Variants in CNTN4 observed in about 807,000 individuals in gnomAD.
CNTN4 encodes the protein contactin 4, also known as contactin-4.
A neutral mutation model predicts 122.5 loss-of-function variants in CNTN4; 77 were observed. The ratio of observed to expected loss-of-function variants is 0.63; its 90% CI spans 0.52 to 0.76. The LOEUF (loss-of-function observed/expected upper bound fraction) is 0.76. Among genes scored for constraint, CNTN4 ranks in the 30% least tolerant of loss-of-function variants. The pLI is 0.00. For missense variants in CNTN4, 1,256 were observed against 1,259.1 expected (o/e 1.00, Z 0.04); for synonymous variants, 512 against 447.0 (o/e 1.15, Z -1.83).
Position 2,555,394 on chromosome 3 carries a change from G to A in CNTN4, c.-88-16022G>A, listed in dbSNP as rs77667236. Among the ~76,000 whole-genome samples the A allele has an allele frequency of 7.9e-5, 12 of 152,224 alleles. No homozygotes were observed. The East Asian group carries it at 2.1e-3, about 27-fold the overall frequency. The stretch of plus-strand genomic sequence containing the variant: ...AGTTCAACATATATTTACCATGTAC[G>A]ATATTTTCCAAGCACACCGATTAAT... On this transcript the variant is annotated intron_variant, in intron 3 of 24. Transcript: ENST00000418658.
chr3:2,440,762 A>G (rs980131015), intron 3 of CNTN4, among the ~76,000 whole-genome samples: 1 of 149,986 alleles, frequency 6.7e-6, no homozygotes, highest in Non-Finnish European at 1.5e-5. Flanking sequence ...GTGTGAATAT[A>G]TATACACACA....
At chr3:2,605,777 G>C (rs563165602) in intron 4 of CNTN4, among the ~76,000 whole-genome samples, 100 of 152,308 alleles carry the variant, frequency 6.6e-4, no homozygotes, top group Admixed American at 2.4e-3. Context: ...CCGATGTCCT[G>C]TCAGGTGCTA....
At chr3:2,174,790 A>G (rs767392868) in intron 2 of CNTN4, among the ~76,000 whole-genome samples, 46 of 152,206 alleles carry the variant, frequency 3.0e-4, no homozygotes, top group Non-Finnish European at 4.6e-4. Context: ...GAGAGGCCTC[A>G]GGGAGCTTTC....
chr3:2,817,278 A>G (rs771920231), intron 6 of CNTN4, among the ~76,000 whole-genome samples: 13 of 152,246 alleles, frequency 8.5e-5, no homozygotes, highest in Non-Finnish European at 1.8e-4. Context: ...TTCTCGTTAC[A>G]TTTATGAGAA....
intron 3 of CNTN4, among the ~76,000 whole-genome samples, chr3:2,477,561 C>G (rs747546516): frequency 6.6e-6 from 1 of 152,076 alleles, no homozygotes; most frequent in Non-Finnish European, 1.5e-5. Flanking sequence ...TTAGAAAGCA[C>G]CTAGTCAGGA....
chr3:2,807,831 T>C (rs1174229663), intron 6 of CNTN4, among the ~76,000 whole-genome samples: 1 of 152,204 alleles, frequency 6.6e-6, no homozygotes, highest in East Asian at 1.9e-4. Flanking sequence ...TGCCAGGAAG[T>C]ACTGATAACA....
intron 4 of CNTN4, among the ~76,000 whole-genome samples, chr3:2,668,770 A>G (rs188071589): frequency 3.3e-4 from 50 of 152,286 alleles, no homozygotes; most frequent in African/African-American, 1.2e-3. Flanking sequence ...ACATCCCATC[A>G]ATACCTAATT....
intron 3 of CNTN4, among the ~76,000 whole-genome samples, chr3:2,383,927 A>G (rs1162212350): frequency 6.6e-6 from 1 of 152,168 alleles, no homozygotes; most frequent in African/African-American, 2.4e-5. Flanking sequence ...AAGTCAAACC[A>G]TTAAGTTGGA....
intron 2 of CNTN4, among the ~76,000 whole-genome samples, chr3:2,306,321 G>T (rs1218790518): frequency 6.6e-6 from 1 of 152,100 alleles, no homozygotes; most frequent in Non-Finnish European, 1.5e-5. Flanking sequence ...GTGGTTGCTT[G>T]TTTTTTAACT....
In CNTN4 at chr3:2,778,143, AGCGGAGCT is replaced by A. The variant is rs746695565; in HGVS notation, c.358+32447_358+32454del. On this transcript the variant is annotated intron_variant, in intron 6 of 24. Coordinates refer to ENST00000418658, the MANE Select transcript of CNTN4 (RefSeq NM_175607.3). The stretch of plus-strand genomic sequence containing the variant: ...GCAGGAGAATGGCGGGAACCCAGGA[AGCGGAGCT>A]TGTGGTGAGCCGAGATCGCGCCACT... Among the ~76,000 whole-genome samples, 146 of 116,454 alleles carry A rather than the reference AGCGGAGCT, an allele frequency of 1.3e-3. 14 individuals carry two copies. Among genetic ancestry groups the A allele is most frequent in the Admixed American group, 3.5e-3 (43 of 12,348 alleles). The allele number at this position is 116,454 out of a possible 152,430, so 76.4% of individuals were successfully genotyped here. A position where few individuals can be genotyped will look rare whatever the true frequency, so the allele number is the denominator to read the frequency against.
At chr3:2,164,231 GAAA>G (rs796951467) in intron 2 of CNTN4, among the ~76,000 whole-genome samples, 4 of 148,794 alleles carry the variant, frequency 2.7e-5, no homozygotes, top group South Asian at 4.3e-4. Context: ...ATTGCTTGAG[GAAA>G]AAAAAAACAA....
rs1180700891 is a variant in CNTN4 at position 2,424,565 on chromosome 3, C to T, written c.-89+85332C>T. Reference sequence around the variant, plus strand: ...CTTTATAGCAGCATGATTTATAATCCTTTGGGTATATACCCAGTAATGGGA... The same window carrying T: ...CTTTATAGCAGCATGATTTATAATCTTTTGGGTATATACCCAGTAATGGGA... On this transcript the variant is annotated intron_variant, in intron 3 of 24. Coordinates refer to ENST00000418658, the MANE Select transcript of CNTN4 (RefSeq NM_175607.3). Among the ~76,000 whole-genome samples, 3 of 152,068 alleles carry T rather than the reference C, an allele frequency of 2.0e-5. No homozygotes were observed. In the East Asian group the frequency reaches 5.8e-4, roughly 29 times the overall value.
At chr3:2,837,475 G>C (rs542340339) in intron 7 of CNTN4, among the ~76,000 whole-genome samples, 1 of 152,100 alleles carries the variant, frequency 6.6e-6, no homozygotes, top group South Asian at 2.1e-4. Context: ...AGGCCCTCAC[G>C]GTGTTACTGG....
intron 2 of CNTN4, among the ~76,000 whole-genome samples, chr3:2,324,475 C>T (rs2043382695): frequency 6.6e-6 from 1 of 152,048 alleles, no homozygotes; most frequent in Admixed American, 6.6e-5. Flanking sequence ...TAAAATCTGA[C>T]TGTTTTATCT....
At chr3:2,859,624 C>G (rs575826988) in intron 7 of CNTN4, among the ~76,000 whole-genome samples, 1 of 151,900 alleles carries the variant, frequency 6.6e-6, no homozygotes, top group East Asian at 1.9e-4. Flanking sequence ...CAAACTTTCT[C>G]ACTGATACAG....
chr3:2,196,162 A>G (rs1266088179), intron 2 of CNTN4, among the ~76,000 whole-genome samples: 1 of 152,148 alleles, frequency 6.6e-6, no homozygotes, highest in Non-Finnish European at 1.5e-5. Context: ...AACAGGCTGG[A>G]ATTGATGTCT....
chr3:3,043,426 C>T (rs1700342249), intron 22 of CNTN4, among the ~76,000 whole-genome samples, 166 bp from the exon 23 acceptor site: 1 of 152,162 alleles, frequency 6.6e-6, no homozygotes, highest in Non-Finnish European at 1.5e-5. Flanking sequence ...GAATCTTTTT[C>T]CATTTGCAAT....
intron 6 of CNTN4, among the ~76,000 whole-genome samples, chr3:2,793,052 G>A (rs1300659230): frequency 1.3e-5 from 2 of 152,156 alleles, no homozygotes; most frequent in Admixed American, 6.5e-5. Context: ...AGCAAGTTCA[G>A]TTGCTGAATT....
chr3:2,300,894 C>A (rs914062740), intron 2 of CNTN4, among the ~76,000 whole-genome samples: 1 of 151,968 alleles, frequency 6.6e-6, no homozygotes, highest in Non-Finnish European at 1.5e-5. Context: ...TTAATAAAAT[C>A]TTTAATCAGA....
Sources: gnomAD v4.1 joint callset for allele counts (sites outside exome capture counted in the v4.1 genomes callset) on GRCh38, gnomAD v4.1.1 for gene constraint, MANE v1.5 for transcripts, NCBI Gene and HGNC (gene_info 2026-07-23, HGNC 2026-07-21) for gene names.